The following FRMPD4 variants were observed in gnomAD, a reference collection of about 807,000 sequenced individuals.
FRMPD4 encodes the protein FERM and PDZ domain-containing protein 4.
Under a neutral mutation model 94.1 loss-of-function variants are expected in FRMPD4, and 22 were observed. The observed-to-expected ratio is 0.23, with a 90% CI of 0.17 to 0.33. The LOEUF (loss-of-function observed/expected upper bound fraction) is 0.33, where lower values mean the gene tolerates loss of function less well. Among genes scored for constraint, FRMPD4 ranks in the 10% least tolerant of loss-of-function variants. The probability of loss-of-function intolerance (pLI) is 1.00; values close to 1 mark genes in which losing one functional copy is unlikely to be tolerated. For synonymous variants in FRMPD4, 631 were observed against 548.6 expected (o/e 1.15, Z -2.10); for missense variants, 1,111 against 1,339.9 (o/e 0.83, Z 2.67).
At chrX:12,004,094 G>T (rs137951040) in intron 3 of FRMPD4, among the ~76,000 whole-genome samples, 50 of 111,525 alleles carry the variant, frequency 4.5e-4, no homozygotes, top group African/African-American at 1.6e-3. Flanking sequence ...ATACCCTTGG[G>T]TCTTACCTTC....
At chrX:12,127,900 C>T (rs1444316854) in intron 3 of FRMPD4, among the ~76,000 whole-genome samples, 1 of 112,933 alleles carries the variant, frequency 8.9e-6, no homozygotes. Context: ...AGTCATGAAA[C>T]CTTAAAGTTC....
At chrX:12,083,293 C>A (rs2147486267) in intron 3 of FRMPD4, among the ~76,000 whole-genome samples, 1 of 113,211 alleles carries the variant, frequency 8.8e-6, no homozygotes, top group East Asian at 2.8e-4. Context: ...GATGTGGCTT[C>A]AGAGGGTGCA....
chrX:12,026,244 G>A (rs1010402601), intron 3 of FRMPD4, among the ~76,000 whole-genome samples: 1 of 110,946 alleles, frequency 9.0e-6, no homozygotes, highest in Admixed American at 9.5e-5. Context: ...GGAATGTTAA[G>A]GTTGTTTTAT....
At chrX:12,620,986 C>T (rs1377363356) in intron 4 of FRMPD4, among the ~76,000 whole-genome samples, 2 of 111,589 alleles carry the variant, frequency 1.8e-5, no homozygotes, top group Non-Finnish European at 3.8e-5. Flanking sequence ...TTTGGGAGGC[C>T]GAGGTGGGTG....
chrX:12,354,911 C>T (rs183429837), intron 1 of FRMPD4, among the ~76,000 whole-genome samples: 10 of 112,087 alleles, frequency 8.9e-5, no homozygotes, highest in Non-Finnish European at 1.5e-4. Flanking sequence ...CAATTAAAGA[C>T]GTTTGGGGAG....
chrX:11,944,266 T>TTCA (rs2054177266), intron 3 of FRMPD4, among the ~76,000 whole-genome samples: 2 of 112,265 alleles, frequency 1.8e-5, no homozygotes, highest in South Asian at 7.5e-4. Context: ...ATTTTGCTTC[T>TTCA]TCATCATCTT....
chrX:12,446,228 A>ACAAT (rs1168178413), intron 1 of FRMPD4, among the ~76,000 whole-genome samples: 1 of 112,504 alleles, frequency 8.9e-6, no homozygotes, highest in African/African-American at 3.2e-5. Context: ...TATTTATAAA[A>ACAAT]CAATCAATAA....
At chrX:12,472,026 G>T (rs2057520105) in intron 1 of FRMPD4, among the ~76,000 whole-genome samples, 1 of 112,605 alleles carries the variant, frequency 8.9e-6, no homozygotes, top group African/African-American at 3.2e-5. Context: ...TTAAAACTGT[G>T]CTGGGCACAA....
intron 3 of FRMPD4, among the ~76,000 whole-genome samples, chrX:12,074,396 T>C (rs1052262630): frequency 4.5e-5 from 5 of 111,004 alleles, no homozygotes; most frequent in African/African-American, 1.6e-4. Context: ...CTCTTTCTCT[T>C]GTGTGTCTTA....
intron 1 of FRMPD4, among the ~76,000 whole-genome samples, chrX:12,337,933 A>C (rs1355115451): frequency 2.7e-5 from 3 of 112,278 alleles, no homozygotes; most frequent in Non-Finnish European, 5.6e-5. Flanking sequence ...TATTGCTTAC[A>C]GTTCTGAAGA....
chrX:12,254,866 C>T (rs1317944825), intron 1 of FRMPD4, among the ~76,000 whole-genome samples: 6 of 110,628 alleles, frequency 5.4e-5, no homozygotes, highest in African/African-American at 2.0e-4. Flanking sequence ...TTGGATCACT[C>T]CTGGAGGGTC....
intron 4 of FRMPD4, among the ~76,000 whole-genome samples, chrX:12,635,113 C>T (rs946139308): frequency 6.3e-5 from 7 of 111,890 alleles, no homozygotes; most frequent in African/African-American, 1.9e-4. Context: ...GGATTACAGG[C>T]GTGAGCCACC....
intron 1 of FRMPD4, among the ~76,000 whole-genome samples, chrX:12,381,125 G>A (rs1345011470): frequency 8.9e-6 from 1 of 111,992 alleles, no homozygotes; most frequent in African/African-American, 3.2e-5. Context: ...TCTGTCTGAC[G>A]TCTGTGATGA....
chrX:11,875,835 C>A (rs1351990552), intron 2 of FRMPD4, among the ~76,000 whole-genome samples: 1 of 108,768 alleles, frequency 9.2e-6, no homozygotes, highest in East Asian at 2.9e-4. Context: ...CTTGCTGACA[C>A]CGCTTACCAC....
Position 12,706,893 on chromosome X carries a change from G to A in FRMPD4, c.1265G>A (p.Arg422His). The change falls in exon 12 of 17, where the codon CGT (arginine) becomes CAT (histidine). Residue 422 changes from arginine to histidine, a missense_variant. Arg to His is a conservative substitution (Grantham distance 29). This residue lies in a region of FRMPD4 where 111 missense variants were observed against 160.7 expected (regional missense o/e 0.69). Coordinates refer to ENST00000675598, the MANE Select transcript of FRMPD4 (RefSeq NM_001368397.1). ...AGTGACCTACGATTGTATGGGGGCCGTGTGTTCAAGGCAACATTAGTGGTA... is the reference window on the plus strand; with the variant it reads ...AGTGACCTACGATTGTATGGGGGCCATGTGTTCAAGGCAACATTAGTGGTA... Reference protein sequence around the residue: ...FLSDLRLYGGRVFKATLVQAE... With the variant: ...FLSDLRLYGGHVFKATLVQAE... 9.0e-7 allele frequency: 1 copy of A among 1,107,434 alleles called. No homozygotes were observed. The highest frequency in any genetic ancestry group is 1.2e-6 in the Non-Finnish European group (1 of 811,269). The allele number at this position is 1,107,434 out of a possible 1,213,427, so 91.3% of individuals were successfully genotyped here.
chrX:12,312,545 G>T (rs186961610), intron 1 of FRMPD4, among the ~76,000 whole-genome samples: 1 of 110,689 alleles, frequency 9.0e-6, no homozygotes, highest in African/African-American at 3.3e-5. Flanking sequence ...GAGCCACCGC[G>T]CCTGGCCCTC....
chrX:12,708,421 A>C (rs2041919120), intron 13 of FRMPD4, among the ~76,000 whole-genome samples: 1 of 104,715 alleles, frequency 9.5e-6, no homozygotes, highest in Non-Finnish European at 1.9e-5. Context: ...GTGAGCCGAG[A>C]TCGTGCCATT....
At chrX:12,514,875 A>G (rs913580219) in intron 2 of FRMPD4, among the ~76,000 whole-genome samples, 1 of 111,879 alleles carries the variant, frequency 8.9e-6, no homozygotes, top group Non-Finnish European at 1.9e-5. Context: ...TAGGCTATTT[A>G]TTACTGCCTC....
chrX:12,364,757 G>A (rs1050876747), intron 1 of FRMPD4, among the ~76,000 whole-genome samples: 1 of 111,498 alleles, frequency 9.0e-6, no homozygotes, highest in Non-Finnish European at 1.9e-5. Flanking sequence ...TATGCACCCC[G>A]TCATGTGCGC....
Sources: allele counts gnomAD v4.1 joint callset (sites outside exome capture counted in the v4.1 genomes callset), GRCh38; gene constraint gnomAD v4.1.1; regional missense constraint gnomAD v4.1.1; transcripts MANE v1.5; gene names NCBI Gene and HGNC (gene_info 2026-07-23, HGNC 2026-07-21).